Variants in ACYP2 observed in about 807,000 individuals in gnomAD.
ACYP2 encodes the protein acylphosphatase 2.
A neutral mutation model predicts 11.2 loss-of-function variants in ACYP2; 12 were observed. The ratio of observed to expected loss-of-function variants is 1.08; its 90% CI spans 0.69 to 1.74. ACYP2 has a LOEUF of 1.74. Ranked by LOEUF, ACYP2 falls within the 40% of genes most tolerant of loss-of-function variation. ACYP2 has a pLI of 0.00. For missense variants in ACYP2, 134 were observed against 101.9 expected, an observed-to-expected ratio of 1.31 and a Z score of -1.35; for synonymous variants, 43 against 32.2, an observed-to-expected ratio of 1.33 and a Z score of -1.13.
intron 2 of ACYP2, among the ~76,000 whole-genome samples, chr2:54,024,081 A>G (rs1674151285): frequency 6.6e-6 from 1 of 152,202 alleles, no homozygotes; most frequent in South Asian, 2.1e-4. Flanking sequence ...GCATATCAAA[A>G]AGATAATCCA....
intron 2 of ACYP2, among the ~76,000 whole-genome samples, chr2:53,996,142 CAA>C (rs111903187): frequency 1.5e-5 from 2 of 135,908 alleles, no homozygotes; most frequent in Non-Finnish European, 3.2e-5. Flanking sequence ...CCCCACCACC[CAA>C]AAAAAAAAAG....
At chr2:54,258,641 C>A (rs1175982052) in intron 6 of ACYP2, among the ~76,000 whole-genome samples, 1 of 152,086 alleles carries the variant, frequency 6.6e-6, no homozygotes, top group African/African-American at 2.4e-5. Flanking sequence ...TTAGGGGGAT[C>A]TTTTGGGAGG....
At chr2:54,229,274 C>T (rs1686134650) in intron 6 of ACYP2, among the ~76,000 whole-genome samples, 1 of 152,182 alleles carries the variant, frequency 6.6e-6, no homozygotes, top group Admixed American at 6.5e-5. Flanking sequence ...AGTTTCATAA[C>T]ATAATTACAA....
At chr2:54,064,953 A>G (rs1227767334) in intron 4 of ACYP2, among the ~76,000 whole-genome samples, 1 of 152,122 alleles carries the variant, frequency 6.6e-6, no homozygotes, top group East Asian at 1.9e-4. Context: ...GTGTGGTGGC[A>G]CAGGCCTGTA....
chr2:54,302,565 A>G (rs7568345), intron 6 of ACYP2, among the ~76,000 whole-genome samples: 21,254 of 152,120 alleles, frequency 0.14, 2,333 homozygotes, highest in African/African-American at 0.3. Flanking sequence ...CAATCTTATA[A>G]CTTTCGATAC....
chr2:54,081,384 G>A (rs557149629), intron 4 of ACYP2, among the ~76,000 whole-genome samples: 3 of 152,208 alleles, frequency 2.0e-5, no homozygotes, highest in African/African-American at 4.8e-5. Context: ...CCTAGAAAAC[G>A]GTAGCCCCAT....
intron 6 of ACYP2, among the ~76,000 whole-genome samples, chr2:54,269,461 C>A (rs996319330): frequency 3.9e-5 from 6 of 152,178 alleles, no homozygotes; most frequent in Non-Finnish European, 8.8e-5. Flanking sequence ...AGGAGAAAGA[C>A]AAACTGATGA....
chr2:54,106,057 T>C (rs1572764457), intron 4 of ACYP2, among the ~76,000 whole-genome samples: 1 of 152,244 alleles, frequency 6.6e-6, no homozygotes, highest in Admixed American at 6.5e-5. Context: ...TGGAAGTTGG[T>C]ATATAAAAGT....
chr2:54,219,564 GAATT>G (rs1020378937), intron 6 of ACYP2, among the ~76,000 whole-genome samples: 5 of 152,046 alleles, frequency 3.3e-5, no homozygotes, highest in Admixed American at 1.3e-4. Context: ...TAGTTCATTC[GAATT>G]AATTAATCAC....
intron 6 of ACYP2, among the ~76,000 whole-genome samples, chr2:54,273,062 C>T (rs1269501403): frequency 6.6e-6 from 1 of 152,180 alleles, no homozygotes; most frequent in Non-Finnish European, 1.5e-5. Context: ...CAGTGGTAGG[C>T]AGGCTTTTCT....
intron 4 of ACYP2, among the ~76,000 whole-genome samples, chr2:54,066,445 A>G (rs1473854115): frequency 6.6e-6 from 1 of 152,222 alleles, no homozygotes; most frequent in Non-Finnish European, 1.5e-5. Context: ...GTGTGAAAAC[A>G]AACTAGTGCA....
intron 2 of ACYP2, among the ~76,000 whole-genome samples, chr2:53,980,759 T>C (rs1194991750): frequency 6.6e-6 from 1 of 151,856 alleles, no homozygotes; most frequent in Non-Finnish European, 1.5e-5. Flanking sequence ...GTACTTTTTT[T>C]TTTTTCTTTT....
chr2:53,990,543 G>A (rs1248923431), intron 2 of ACYP2, among the ~76,000 whole-genome samples: 1 of 151,016 alleles, frequency 6.6e-6, no homozygotes, highest in Admixed American at 6.6e-5. Context: ...CAGCTACTTG[G>A]GAGGCTGAGG....
chr2:54,273,018 G>A (rs1688383296), intron 6 of ACYP2, among the ~76,000 whole-genome samples: 1 of 152,318 alleles, frequency 6.6e-6, no homozygotes, highest in African/African-American at 2.4e-5. Flanking sequence ...TTGGGGTTAG[G>A]AAAGCAGGAA....
intron 4 of ACYP2, among the ~76,000 whole-genome samples, chr2:54,095,155 T>C (rs973005046): frequency 1.3e-5 from 2 of 151,950 alleles, no homozygotes; most frequent in Admixed American, 6.6e-5. Flanking sequence ...TTAATCCATT[T>C]AACCCTGAGT....
At chr2:54,074,182 A>C (rs1184273680) in intron 4 of ACYP2, among the ~76,000 whole-genome samples, 1 of 152,116 alleles carries the variant, frequency 6.6e-6, no homozygotes, top group East Asian at 1.9e-4. Context: ...TTCTACAAAA[A>C]ATATTTTTCA....
At chr2:54,201,666 C>CTTTCTT (rs1684826859) in intron 6 of ACYP2, among the ~76,000 whole-genome samples, 1 of 93,578 alleles carries the variant, frequency 1.1e-5, no homozygotes, top group Non-Finnish European at 2.3e-5. Context: ...TTCTTTCTTT[C>CTTTCTT]TTTCTTTCTT....
intron 6 of ACYP2, among the ~76,000 whole-genome samples, chr2:54,237,532 A>T (rs1182810018): frequency 6.6e-6 from 1 of 152,150 alleles, no homozygotes; most frequent in African/African-American, 2.4e-5. Flanking sequence ...TTACTGGTAG[A>T]GAATTTTAGG....
At chr2:54,012,780 C>T (rs1558471028) in intron 2 of ACYP2, among the ~76,000 whole-genome samples, 1 of 152,178 alleles carries the variant, frequency 6.6e-6, no homozygotes, top group East Asian at 1.9e-4. Flanking sequence ...TCTCAACTAG[C>T]AGCCAGAGTT....
Sources: gnomAD v4.1 joint callset for allele counts (sites outside exome capture counted in the v4.1 genomes callset) on GRCh38, gnomAD v4.1.1 for gene constraint, MANE v1.5 for transcripts, NCBI Gene and HGNC (gene_info 2026-07-23, HGNC 2026-07-21) for gene names.